The following NCAPD3 variants were observed in gnomAD, a reference collection of about 807,000 sequenced individuals.
NCAPD3 encodes the protein non-SMC condensin II complex subunit D3.
NCAPD3 carries 105 observed loss-of-function variants against 182.9 expected under a neutral mutation model. The ratio of observed to expected loss-of-function variants is 0.57; its 90% CI spans 0.49 to 0.68. NCAPD3 has a LOEUF of 0.68. NCAPD3 is among the 30% of genes least tolerant of loss of function. The probability of loss-of-function intolerance (pLI) is 0.00; values close to 1 mark genes in which losing one functional copy is unlikely to be tolerated. For synonymous variants in NCAPD3, 815 were observed against 679.9 expected (o/e 1.20, Z -3.09); for missense variants, 1,944 against 1,837.0 (o/e 1.06, Z -1.07).
intron 2 of NCAPD3, among the ~76,000 whole-genome samples, chr11:134,218,475 A>C (rs957647045): frequency 1.3e-5 from 2 of 152,234 alleles, no homozygotes; most frequent in Non-Finnish European, 1.5e-5. Flanking sequence ...CTACCTGTTA[A>C]ACTTCCCAAG....
intron 27 of NCAPD3, among the ~76,000 whole-genome samples, chr11:134,163,286 G>A (rs1943643649): frequency 6.6e-6 from 1 of 152,072 alleles, no homozygotes; most frequent in South Asian, 2.1e-4. Context: ...AAGTCTATAT[G>A]GAATAACCAG....
intron 8 of NCAPD3, among the ~76,000 whole-genome samples, chr11:134,206,098 A>AAAAGTAGTCT (rs1278914596): frequency 4.6e-5 from 7 of 152,222 alleles, no homozygotes; most frequent in African/African-American, 1.4e-4. Context: ...CCATGAGAGG[A>AAAAGTAGTCT]AAAGTAGTCT....
chr11:134,165,055 A>G (rs137935518), intron 27 of NCAPD3, among the ~76,000 whole-genome samples: 175 of 149,530 alleles, frequency 1.2e-3, no homozygotes, highest in African/African-American at 4.2e-3. Context: ...ACACACTTAG[A>G]TTAGCTGAGG....
Position 134,152,894 on chromosome 11 carries a change from C to A in NCAPD3, c.*50G>T, listed in dbSNP as rs1033176180. The A allele has an allele frequency of 4.3e-6, 6 of 1,408,016 alleles. No homozygotes were observed. The highest frequency in any genetic ancestry group is 2.6e-4 in the Middle Eastern group (1 of 3,904). 87.2% of individuals were successfully genotyped at this position (1,408,016 alleles called of 1,614,324 possible). A position where few individuals can be genotyped will look rare whatever the true frequency, so the allele number is the denominator to read the frequency against. ...CTGCCTTCACACGGAGGACACGAGA[C>A]TGCTTCCTCAAGGGCTCCTGCCTGC... On this transcript the variant is annotated 3_prime_UTR_variant, in exon 35 of 35. Coordinates refer to ENST00000534548, the MANE Select transcript of NCAPD3 (RefSeq NM_015261.3).
chr11:134,170,187 A>G lies in NCAPD3; in HGVS notation c.3102-1133T>C, dbSNP rs186814231. ...GTAGATAATTACACCTTGACTATTC[A>G]CCTAGGAAATACGGGAGCAGCTTGA... On this transcript the variant is annotated intron_variant, in intron 24 of 34. Coordinates refer to ENST00000534548, the MANE Select transcript of NCAPD3 (RefSeq NM_015261.3). Among the ~76,000 whole-genome samples the G allele has an allele frequency of 2.5e-4, 38 of 152,358 alleles. No homozygotes were observed. The East Asian group carries it at 6.0e-3, about 24-fold the overall frequency.
intron 27 of NCAPD3, among the ~76,000 whole-genome samples, chr11:134,167,401 C>T (rs1261223273): frequency 3.6e-5 from 4 of 112,050 alleles, no homozygotes; most frequent in Non-Finnish European, 1.8e-5. Flanking sequence ...GGGAGCTGCA[C>T]ACTCACTTGT....
At chr11:134,191,705 T>G (rs1208947369) in intron 16 of NCAPD3, among the ~76,000 whole-genome samples, 1 of 152,172 alleles carries the variant, frequency 6.6e-6, no homozygotes, top group Admixed American at 6.5e-5. Context: ...AATCTCTCCA[T>G]TCTAGAAATC....
chr11:134,169,890 T>C (rs1392044371), intron 24 of NCAPD3, among the ~76,000 whole-genome samples: 1 of 152,228 alleles, frequency 6.6e-6, no homozygotes, highest in African/African-American at 2.4e-5. Flanking sequence ...AGTGTTTTAA[T>C]TTAATATCAG....
At chr11:134,185,243 G>A in intron 17 of NCAPD3, 92 bp downstream of exon 17, 1 of 1,158,858 alleles carries the variant, frequency 8.6e-7, no homozygotes, top group African/African-American at 1.6e-5. Context: ...CTCTGTATAT[G>A]AATAGCTATG....
intron 19 of NCAPD3, among the ~76,000 whole-genome samples, chr11:134,181,559 A>T (rs942293105): frequency 6.6e-6 from 1 of 152,208 alleles, no homozygotes; most frequent in Non-Finnish European, 1.5e-5. Context: ...ACAGATGATG[A>T]ATTAACTACT....
At chr11:134,177,792 T>C (rs1410798566) in intron 22 of NCAPD3, 4 of 289,646 alleles carry the variant, frequency 1.4e-5, no homozygotes, top group Non-Finnish European at 2.6e-5. Flanking sequence ...TGAAACATTT[T>C]ACTCCTGATT....
rs755104939 is a variant in NCAPD3 at position 134,203,828 on chromosome 11, A to G, written c.1294T>C (p.Ser432Pro). Reference protein sequence around the residue: ...LPEREVDNTLSLEHQKFLKHK... With the variant: ...LPEREVDNTLPLEHQKFLKHK... ...TTTAAGAACTTCTGATGCTCCAAGG[A>G]GAGGGTGTTATCCACCTCTCTTTCA... Residue 432 changes from serine to proline, a missense_variant, in exon 11 of 35, where the codon TCC becomes CCC. By Grantham distance (74) the Ser-to-Pro change is moderately conservative. Coordinates refer to ENST00000534548, the MANE Select transcript of NCAPD3 (RefSeq NM_015261.3). 1 of 1,614,198 alleles carries G rather than the reference A, an allele frequency of 6.2e-7. No homozygotes were observed. The highest frequency in any genetic ancestry group is 1.1e-5 in the South Asian group (1 of 91,090).
At chr11:134,179,033 C>A in intron 20 of NCAPD3, 97 bp from the exon 21 acceptor site, 6 of 775,336 alleles carry the variant, frequency 7.7e-6, no homozygotes, top group South Asian at 1.8e-5. Context: ...CCTTTATCCC[C>A]CAAATTTAAA....
At chr11:134,206,765 G>T in intron 7 of NCAPD3, 33 bp from the exon 8 acceptor site, 1 of 1,592,204 alleles carries the variant, frequency 6.3e-7, no homozygotes, top group Non-Finnish European at 8.5e-7. Flanking sequence ...ATTTAAGATC[G>T]GATGGAGAAC....
At chr11:134,177,121 C>T in intron 23 of NCAPD3, 98 bp downstream of exon 23, 2 of 939,272 alleles carry the variant, frequency 2.1e-6, no homozygotes, top group Admixed American at 2.0e-5. Flanking sequence ...TTTTTGGATT[C>T]TACTACAAAG....
chr11:134,220,550 T>A, intron 2 of NCAPD3, 22 bp downstream of exon 2: 1 of 1,596,478 alleles, frequency 6.3e-7, no homozygotes, highest in Non-Finnish European at 8.6e-7. Context: ...AAACTTTGGC[T>A]AGTTTGTTTT....
chr11:134,182,589 T>G (rs186586829), intron 19 of NCAPD3, among the ~76,000 whole-genome samples: 1 of 152,342 alleles, frequency 6.6e-6, no homozygotes, highest in African/African-American at 2.4e-5. Context: ...AACACTTCTC[T>G]GTAAATTTGT....
At chr11:134,224,647 G>C (rs1172264403), upstream of NCAPD3, 1 of 152,288 alleles carries the variant, frequency 6.6e-6, no homozygotes, top group Admixed American at 6.5e-5. Context: ...CCGGGCTGGA[G>C]CTCGCCCGCC....
chr11:134,224,820 C>T (rs1232364894), upstream of NCAPD3: 1 of 156,268 alleles, frequency 6.4e-6, no homozygotes, highest in East Asian at 1.8e-4. Context: ...CCGACCCTCG[C>T]CCGCCCACTG....
Sources: gnomAD v4.1 joint callset for allele counts (sites outside exome capture counted in the v4.1 genomes callset) on GRCh38, gnomAD v4.1.1 for gene constraint, MANE v1.5 for transcripts, NCBI Gene and HGNC (gene_info 2026-07-23, HGNC 2026-07-21) for gene names.